Variants in NREP observed in about 807,000 individuals in gnomAD.
NREP encodes the protein neuronal regeneration related protein.
In NREP, 5 loss-of-function variants were observed where a neutral mutation model predicts 8.6. The observed-to-expected ratio is 0.58, with a 90% CI of 0.30 to 1.22. The LOEUF (loss-of-function observed/expected upper bound fraction) is 1.22, where lower values mean the gene tolerates loss of function less well. Ranked by LOEUF, NREP falls within the 50% of genes most tolerant of loss-of-function variation. The pLI is 0.07. For synonymous variants in NREP, 27 were observed against 28.0 expected (o/e 0.96, Z 0.11); for missense variants, 86 against 82.5 (o/e 1.04, Z -0.17).
chr5:111,850,450 C>G (rs1475063397), intron 2 of NREP, among the ~76,000 whole-genome samples: 1 of 152,134 alleles, frequency 6.6e-6, no homozygotes, highest in Non-Finnish European at 1.5e-5. Context: ...CATCATATCC[C>G]AAACAAAGCT....
At chr5:111,833,965 A>G (rs1425464613) in intron 2 of NREP, among the ~76,000 whole-genome samples, 1 of 152,186 alleles carries the variant, frequency 6.6e-6, no homozygotes, top group African/African-American at 2.4e-5. Flanking sequence ...GTGTCTCCCT[A>G]TAGGGCAAAG....
In NREP at chr5:111,948,808, TAATC is replaced by T. The variant is rs1160322188; in HGVS notation, c.135+26462_135+26465del. 4 of 152,174 alleles carry T rather than the reference TAATC, an allele frequency of 2.6e-5. No individual in the cohort carries two copies. In the East Asian group the frequency reaches 7.8e-4, roughly 30 times the overall value. The allele number at this position is 152,174 out of a possible 1,614,324, so 9.4% of individuals were successfully genotyped here. ...TTCCAGTGTGGGAAAAATATGAACT[TAATC>T]AATTCCCCATGTATAAGGCATTTCC... is the stretch of plus-strand genomic sequence containing the variant. On this transcript the variant is annotated intron_variant, in intron 2 of 3. Coordinates refer to the NREP transcript ENST00000395634.
chr5:111,824,300 C>T (rs567634190), intron 2 of NREP, among the ~76,000 whole-genome samples: 5 of 152,122 alleles, frequency 3.3e-5, no homozygotes, highest in African/African-American at 1.2e-4. Context: ...ACCAGGGAGG[C>T]GGAGCTTCCA....
intron 2 of NREP, among the ~76,000 whole-genome samples, chr5:111,911,875 A>C (rs1420546162): frequency 6.6e-6 from 1 of 152,086 alleles, no homozygotes; most frequent in Non-Finnish European, 1.5e-5. Context: ...AGCCATATAC[A>C]CACAGCATTT....
chr5:111,813,700 T>C (rs1363305239), intron 2 of NREP, among the ~76,000 whole-genome samples: 2 of 152,164 alleles, frequency 1.3e-5, no homozygotes, highest in Non-Finnish European at 2.9e-5. Context: ...CTGGTTGTTA[T>C]GGTTACCATA....
chr5:111,766,993 G>C (rs972645622), intron 2 of NREP, among the ~76,000 whole-genome samples: 4 of 151,990 alleles, frequency 2.6e-5, no homozygotes, highest in Non-Finnish European at 4.4e-5. Context: ...AATTCTTTTT[G>C]TCTACTTTTC....
chr5:111,896,258 G>A (rs1293698848), intron 2 of NREP, among the ~76,000 whole-genome samples: 2 of 152,096 alleles, frequency 1.3e-5, no homozygotes, highest in Non-Finnish European at 2.9e-5. Flanking sequence ...TTCTAGAGGT[G>A]GGAGGCAAAT....
intron 2 of NREP, among the ~76,000 whole-genome samples, chr5:111,883,544 C>T (rs1754146307): frequency 6.6e-6 from 1 of 152,150 alleles, no homozygotes; most frequent in African/African-American, 2.4e-5. Context: ...CACACCACAC[C>T]TATTCCAAAA....
intron 2 of NREP, among the ~76,000 whole-genome samples, chr5:111,809,422 A>C (rs1478232925): frequency 6.6e-6 from 1 of 152,254 alleles, no homozygotes; most frequent in Non-Finnish European, 1.5e-5. Context: ...CTAATGTGGC[A>C]GCATTGGAAG....
chr5:111,927,419 G>A (rs562682186), intron 2 of NREP, among the ~76,000 whole-genome samples: 1 of 152,252 alleles, frequency 6.6e-6, no homozygotes, highest in East Asian at 1.9e-4. Flanking sequence ...TGGGTGGCAT[G>A]ATAAATTCTT....
rs1750668344 is a variant in NREP at position 111,755,822 on chromosome 5, G to A, written c.-50C>T. On this transcript the variant is annotated 5_prime_UTR_variant, in exon 2 of 4. Transcript: ENST00000257435. ...CTATTCTCCCTCTCTTCAGTCCAGG[G>A]AGACCAACCTGCAAAATATGTTTAA... The A allele has an allele frequency of 3.1e-6, 5 of 1,613,660 alleles. No homozygotes were observed. Among genetic ancestry groups the A allele is most frequent in the East Asian group, 2.2e-5 (1 of 44,880 alleles).
At chr5:111,850,957 A>G (rs768503829) in intron 2 of NREP, among the ~76,000 whole-genome samples, 3 of 152,184 alleles carry the variant, frequency 2.0e-5, no homozygotes, top group African/African-American at 4.8e-5. Flanking sequence ...AAGCTTAAAT[A>G]GTGGCATGTA....
chr5:111,930,970 T>G (rs1313554205), intron 2 of NREP, among the ~76,000 whole-genome samples: 1 of 152,114 alleles, frequency 6.6e-6, no homozygotes, highest in Non-Finnish European at 1.5e-5. Flanking sequence ...ATGCCATCAT[T>G]GTGCATCTAT....
At chr5:111,801,551 T>C (rs73787399) in intron 2 of NREP, among the ~76,000 whole-genome samples, 2,054 of 152,154 alleles carry the variant, frequency 0.013, 41 homozygotes, top group African/African-American at 0.04. Context: ...AGGTAGAGAG[T>C]GTTGGCAGAA....
chr5:111,920,067 C>T (rs1011914593), intron 2 of NREP, among the ~76,000 whole-genome samples: 1 of 150,572 alleles, frequency 6.6e-6, no homozygotes, highest in African/African-American at 2.4e-5. Flanking sequence ...GGTCATACTC[C>T]ATCATTTTTT....
chr5:111,747,530 G>C (rs1179172553), intron 2 of NREP, among the ~76,000 whole-genome samples: 2 of 152,134 alleles, frequency 1.3e-5, no homozygotes, highest in African/African-American at 4.8e-5. Context: ...GAGAAGAGCT[G>C]GAGCTGGCAG....
At chr5:111,793,106 A>C (rs886543934) in intron 2 of NREP, among the ~76,000 whole-genome samples, 10 of 152,220 alleles carry the variant, frequency 6.6e-5, no homozygotes, top group African/African-American at 2.4e-4. Flanking sequence ...GGTGCTGTAA[A>C]TTCAAATGAA....
chr5:111,732,066 T>C (rs1302196096), intron 3 of NREP: 1 of 151,604 alleles, frequency 6.6e-6, no homozygotes. Context: ...AAATTATCCT[T>C]TGTGGTTTTA....
rs537171088 is a variant in NREP, at chr5:111,729,662, C to T, written c.*1259G>A. 6.5e-6 allele frequency: 1 copy of T among 152,702 alleles called. No individual in the cohort carries two copies. Among genetic ancestry groups the T allele is most frequent in the South Asian group, 2.1e-4 (1 of 4,820 alleles). The allele number at this position is 152,702 out of a possible 1,614,324, so 9.5% of individuals were successfully genotyped here. ...GCCCTGTCAAAAGAAGAGCTAAAGA[C>T]AGTTATATAAAAATTAAGGTGGGCT... is the stretch of plus-strand genomic sequence containing the variant. On this transcript the variant is annotated 3_prime_UTR_variant, in exon 4 of 4. Transcript: ENST00000257435.
Sources: allele counts gnomAD v4.1 joint callset (sites outside exome capture counted in the v4.1 genomes callset), GRCh38; gene constraint gnomAD v4.1.1; transcripts MANE v1.5; gene names NCBI Gene and HGNC (gene_info 2026-07-23, HGNC 2026-07-21).